NBEA: variants seen among roughly 807,000 people sequenced by gnomAD.
The protein encoded by NBEA is neurobeachin.
Under a neutral mutation model 343.4 loss-of-function variants are expected in NBEA, and 44 were observed. The observed-to-expected ratio is 0.13, with a 90% confidence interval of 0.10 to 0.16. The LOEUF (loss-of-function observed/expected upper bound fraction) is 0.16, where lower values mean the gene tolerates loss of function less well. NBEA is among the 10% of genes least tolerant of loss of function. NBEA has a pLI of 1.00. For synonymous variants in NBEA, 1,175 were observed against 1,238.7 expected (o/e 0.95, Z 1.08); for missense variants, 2,555 against 3,631.3 (o/e 0.70, Z 7.62).
At position 35,219,422 on chromosome 13, in the gene NBEA, A is replaced by G. The variant is rs143922172; in HGVS notation, c.5648+8243A>G. Among the ~76,000 whole-genome samples the G allele has an allele frequency of 2.6e-5, 4 of 152,266 alleles. No individual in the cohort carries two copies. In the East Asian group the frequency reaches 7.7e-4, roughly 29 times the overall value. ...CTTGTTAACATACAGATTGCTGGAT[A>G]CCTAATTCAGTAGGACTCCAGTAGG... On this transcript the variant is annotated intron_variant, in intron 33 of 58. Coordinates refer to ENST00000379939, the MANE Select transcript of NBEA (RefSeq NM_001385012.1).
At chr13:35,393,542 G>C (rs1406701228) in intron 38 of NBEA, among the ~76,000 whole-genome samples, 1 of 151,948 alleles carries the variant, frequency 6.6e-6, no homozygotes, top group Non-Finnish European at 1.5e-5. Flanking sequence ...AAAATTTTCT[G>C]ATTATTTTAT....
intron 36 of NBEA, among the ~76,000 whole-genome samples, chr13:35,324,008 T>C (rs887882113): frequency 2.0e-5 from 3 of 152,226 alleles, no homozygotes; most frequent in African/African-American, 7.2e-5. Flanking sequence ...AGAAAACTTT[T>C]ATTTAATTTC....
chr13:35,308,969 T>C (rs887252156), intron 35 of NBEA, among the ~76,000 whole-genome samples: 3 of 139,306 alleles, frequency 2.2e-5, no homozygotes, highest in Non-Finnish European at 4.8e-5. Flanking sequence ...GGTTTACTAC[T>C]TTTTTTTACA....
At chr13:35,669,219 A>C (rs1471233485) in intron 58 of NBEA, among the ~76,000 whole-genome samples, 1 of 152,180 alleles carries the variant, frequency 6.6e-6, no homozygotes, top group African/African-American at 2.4e-5. Flanking sequence ...CAAAGTGAAA[A>C]TAATATTAGA....
chr13:35,629,621 A>T (rs1349322067), intron 49 of NBEA, among the ~76,000 whole-genome samples: 1 of 152,198 alleles, frequency 6.6e-6, no homozygotes, highest in Non-Finnish European at 1.5e-5. Context: ...TGAATGAATG[A>T]GAGAGAAGGC....
chr13:35,242,182 A>G (rs1292198206), intron 34 of NBEA, among the ~76,000 whole-genome samples: 1 of 151,910 alleles, frequency 6.6e-6, no homozygotes, highest in Non-Finnish European at 1.5e-5. Flanking sequence ...AAATTAGGAA[A>G]AGGTTTTATG....
rs748199873 is a variant in NBEA at position 35,070,706 on chromosome 13, T to G, written c.1438-13T>G. ...TATAGAAGTTTAATAAACATTTTTG[T>G]TTTTGGACATAGGATGTGAAAGCGA... On this transcript the variant is annotated splice_polypyrimidine_tract_variant and intron_variant, in intron 9 of 58. Coordinates refer to ENST00000379939, the MANE Select transcript of NBEA (RefSeq NM_001385012.1). 17 of 1,563,392 alleles carry G rather than the reference T, an allele frequency of 1.1e-5. No individual in the cohort carries two copies. Among genetic ancestry groups the G allele is most frequent in the Admixed American group, 8.6e-5 (5 of 58,162 alleles).
intron 41 of NBEA, among the ~76,000 whole-genome samples, chr13:35,477,466 A>G (rs768867985): frequency 2.0e-5 from 3 of 152,212 alleles, no homozygotes; most frequent in Non-Finnish European, 2.9e-5. Flanking sequence ...ACACAACGCT[A>G]TATATGCACT....
intron 8 of NBEA, among the ~76,000 whole-genome samples, chr13:35,065,759 C>T (rs1344679688): frequency 6.6e-6 from 1 of 151,930 alleles, no homozygotes; most frequent in African/African-American, 2.4e-5. Context: ...TTTCCTGAAC[C>T]CTGAGAGTAA....
At chr13:35,116,907 T>C (rs147019849) in intron 13 of NBEA, among the ~76,000 whole-genome samples, 136 of 152,172 alleles carry the variant, frequency 8.9e-4, no homozygotes, top group African/African-American at 3.1e-3. Flanking sequence ...AAATGCCCAC[T>C]ATAATATGTA....
At chr13:35,001,548 G>T (rs2061140395) in intron 1 of NBEA, among the ~76,000 whole-genome samples, 1 of 152,112 alleles carries the variant, frequency 6.6e-6, no homozygotes, top group Non-Finnish European at 1.5e-5. Flanking sequence ...AGGTCATTAT[G>T]TTAAGTGAAA....
At chr13:35,021,486 G>A (rs1017710177) in intron 1 of NBEA, among the ~76,000 whole-genome samples, 4 of 151,948 alleles carry the variant, frequency 2.6e-5, no homozygotes, top group Admixed American at 6.6e-5. Flanking sequence ...CACAATTCTG[G>A]CAGTTATCAT....
chr13:35,096,664 T>C (rs1245827210), intron 10 of NBEA, among the ~76,000 whole-genome samples: 2 of 151,946 alleles, frequency 1.3e-5, no homozygotes, highest in Non-Finnish European at 2.9e-5. Flanking sequence ...CTTTGGTGTA[T>C]GTAAGAATTC....
In NBEA at chr13:35,472,407, G is replaced by T. The variant is rs775065258; in HGVS notation, c.6456G>T (p.Val2152=). Residue 2152 remains valine, a synonymous_variant, in exon 41 of 59, where the codon GTG becomes GTT. Coordinates refer to ENST00000379939, the MANE Select transcript of NBEA (RefSeq NM_001385012.1). ...EKEIDNLAGP[V]VLSTPAQLIA... ...CTTGTCCTTGCCTTGCAGGCCCAGT[G>T]GTTCTCAGCACCCCTGCCCAGCTCA... 1 of 1,613,514 alleles carries T rather than the reference G, an allele frequency of 6.2e-7. No homozygotes were observed. Among genetic ancestry groups the T allele is most frequent in the Non-Finnish European group, 8.5e-7 (1 of 1,179,786 alleles).
chr13:35,117,294 A>C (rs2066547088), intron 13 of NBEA, 120 bp from the exon 14 acceptor site: 4 of 361,228 alleles, frequency 1.1e-5, no homozygotes, highest in Non-Finnish European at 1.9e-5. Context: ...CATTAATATA[A>C]ATATTGTAAT....
At chr13:35,365,288 C>G (rs1484478317) in intron 38 of NBEA, among the ~76,000 whole-genome samples, 2 of 151,580 alleles carry the variant, frequency 1.3e-5, no homozygotes, top group African/African-American at 2.4e-5. Flanking sequence ...TAAAATAACT[C>G]TCACAAATAT....
At chr13:35,572,459 T>C (rs1384093637) in intron 45 of NBEA, among the ~76,000 whole-genome samples, 1 of 152,228 alleles carries the variant, frequency 6.6e-6, no homozygotes, top group Non-Finnish European at 1.5e-5. Context: ...AAATATATTT[T>C]GTTAACACAG....
At chr13:35,295,062 A>AG (rs1444196877) in intron 35 of NBEA, among the ~76,000 whole-genome samples, 1 of 149,770 alleles carries the variant, frequency 6.7e-6, no homozygotes, top group Non-Finnish European at 1.5e-5. Context: ...CTAAAAAAAA[A>AG]AAATTAAAAA....
intron 47 of NBEA, 69 bp from the exon 48 acceptor site, chr13:35,606,357 T>C: frequency 1.2e-6 from 1 of 832,040 alleles, no homozygotes; most frequent in Non-Finnish European, 1.7e-6. Context: ...TAATAAGTTA[T>C]AAGTTAATAG....
Sources: allele counts gnomAD v4.1 joint callset (sites outside exome capture counted in the v4.1 genomes callset), GRCh38; gene constraint gnomAD v4.1.1; transcripts MANE v1.5; gene names NCBI Gene and HGNC (gene_info 2026-07-23, HGNC 2026-07-21).